Variants in FBXL2 observed in about 807,000 individuals in gnomAD.
FBXL2 encodes F-box and leucine rich repeat protein 2.
Under a neutral mutation model 69.2 loss-of-function variants are expected in FBXL2, and 38 were observed. That is an observed-to-expected ratio of 0.55 (90% confidence interval 0.42 to 0.72). The LOEUF is 0.72. FBXL2 is among the 30% of genes least tolerant of loss of function. The pLI is 0.00. For synonymous variants in FBXL2, 192 were observed against 201.3 expected (o/e 0.95, Z 0.39); for missense variants, 354 against 520.3 (o/e 0.68, Z 3.11).
chr3:33,299,333 C>T (rs909150311), intron 2 of FBXL2, among the ~76,000 whole-genome samples: 11 of 152,272 alleles, frequency 7.2e-5, no homozygotes, highest in South Asian at 2.1e-4. Flanking sequence ...TGAGCCACTG[C>T]GCCCGGCCGG....
chr3:33,400,838 A>T lies in FBXL2; in HGVS notation n.1215-2396A>T, dbSNP rs898690354. 10 of 907,436 alleles carry T rather than the reference A, an allele frequency of 1.1e-5. No individual in the cohort carries two copies. In the South Asian group the frequency reaches 1.4e-4, roughly 13 times the overall value. 56.2% of individuals were successfully genotyped at this position (907,436 alleles called of 1,614,324 possible). A position where few individuals can be genotyped will look rare whatever the true frequency, so the allele number is the denominator to read the frequency against. On this transcript the variant is annotated intron_variant and non_coding_transcript_variant, in intron 12 of 12. Coordinates refer to the FBXL2 transcript ENST00000463736. ...TGGACACCCAAAATATCCTGACTCG[A>T]TTACCACACATTACCATACATGTAA...
At chr3:33,331,955 AAGAAT>A (rs1372052553) in intron 2 of FBXL2, among the ~76,000 whole-genome samples, 3 of 152,202 alleles carry the variant, frequency 2.0e-5, no homozygotes, top group Admixed American at 2.0e-4. Flanking sequence ...ATTATAGACA[AAGAAT>A]AGAGAGAGAA....
rs569214245 is a variant in FBXL2 at position 33,345,680 on chromosome 3, A to C, written c.66-13287A>C. Among the ~76,000 whole-genome samples the C allele has an allele frequency of 1.8e-4, 28 of 152,360 alleles. No individual in the cohort carries two copies. The South Asian group carries it at 5.8e-3, about 32-fold the overall frequency. ...TAAAACACTCAACTCATTTAAAAGA[A>C]TAGCATACAAAATGTTCCTACAGAC... On this transcript the variant is annotated intron_variant, in intron 2 of 14. Transcript: ENST00000484457.
At chr3:33,325,457 G>A (rs1456249937) in intron 2 of FBXL2, among the ~76,000 whole-genome samples, 1 of 152,098 alleles carries the variant, frequency 6.6e-6, no homozygotes, top group Non-Finnish European at 1.5e-5. Flanking sequence ...TTATTTTGAG[G>A]TACGTTCCAT....
intron 2 of FBXL2, among the ~76,000 whole-genome samples, chr3:33,314,558 T>A (rs1189210102): frequency 6.6e-6 from 1 of 152,226 alleles, no homozygotes; most frequent in African/African-American, 2.4e-5. Context: ...ACCATGGTAA[T>A]GAACTTTTTG....
intron 2 of FBXL2, among the ~76,000 whole-genome samples, chr3:33,307,014 T>C (rs975136919): frequency 6.6e-6 from 1 of 152,142 alleles, no homozygotes; most frequent in African/African-American, 2.4e-5. Flanking sequence ...TCCTTTTATT[T>C]GCCAGTTTTA....
chr3:33,277,555 A>AGGT, intron 1 of FBXL2, 40 bp downstream of exon 1: 1 of 1,266,760 alleles, frequency 7.9e-7, no homozygotes, highest in East Asian at 3.1e-5. Context: ...GCCCCGCCCT[A>AGGT]CCCCTACCGG....
intron 5 of FBXL2, among the ~76,000 whole-genome samples, chr3:33,366,417 A>G (rs769801694): frequency 6.6e-6 from 1 of 152,128 alleles, no homozygotes; most frequent in Non-Finnish European, 1.5e-5. Context: ...CTATAACCCC[A>G]GTGCTTTGGG....
At chr3:33,285,928 T>A (rs1266498696) in intron 1 of FBXL2, among the ~76,000 whole-genome samples, 1 of 152,194 alleles carries the variant, frequency 6.6e-6, no homozygotes, top group Non-Finnish European at 1.5e-5. Context: ...TATTCTAGTT[T>A]GCCATTCGTC....
At chr3:33,331,090 AT>A (rs1408232646) in intron 2 of FBXL2, among the ~76,000 whole-genome samples, 1 of 151,824 alleles carries the variant, frequency 6.6e-6, no homozygotes, top group Non-Finnish European at 1.5e-5. Flanking sequence ...ACCCGGTTTC[AT>A]TTGCTATAAT....
In FBXL2 at chr3:33,385,728, G is replaced by C; in HGVS notation, c.*120G>C. On this transcript the variant is annotated 3_prime_UTR_variant, in exon 15 of 15. Transcript: ENST00000484457. The stretch of plus-strand genomic sequence containing the variant: ...TTCTCCATTGGGAAAGGCATTTACA[G>C]GTAAAAGACTTCTGTATGGATTGCA... 1 of 762,896 alleles carries C rather than the reference G, an allele frequency of 1.3e-6. No individual in the cohort carries two copies. The highest frequency in any genetic ancestry group is 2.2e-6 in the Non-Finnish European group (1 of 445,116). 47.3% of individuals were successfully genotyped at this position (762,896 alleles called of 1,614,324 possible). A position where few individuals can be genotyped will look rare whatever the true frequency, so the allele number is the denominator to read the frequency against.
chr3:33,384,138 C>T lies in FBXL2; in HGVS notation c.1101C>T (p.Gly367=). ...TGGAACACCTAGAGAACTGCCGAGG[C>T]CTGGAGCGCCTCGAGCTGTACGACT... ...VALEHLENCR[G]LERLELYDCQ... Residue 367 remains glycine, a synonymous_variant, in exon 14 of 15, where the codon GGC becomes GGT. Coordinates refer to ENST00000484457, the MANE Select transcript of FBXL2 (RefSeq NM_012157.5). 1 of 1,614,124 alleles carries T rather than the reference C, an allele frequency of 6.2e-7. No homozygotes were observed. The highest frequency in any genetic ancestry group is 8.5e-7 in the Non-Finnish European group (1 of 1,180,028).
chr3:33,355,717 C>A (rs532508574), intron 2 of FBXL2, among the ~76,000 whole-genome samples: 6 of 152,198 alleles, frequency 3.9e-5, no homozygotes, highest in African/African-American at 1.4e-4. Context: ...GGTGCTATTG[C>A]AGTGCTTGCC....
At chr3:33,328,829 G>GTGTT (rs1231088488) in intron 2 of FBXL2, among the ~76,000 whole-genome samples, 1 of 151,632 alleles carries the variant, frequency 6.6e-6, no homozygotes, top group Non-Finnish European at 1.5e-5. Context: ...GTGTGTGTGT[G>GTGTT]TGTGTAAGAC....
downstream of FBXL2, chr3:33,392,599 G>GA: frequency 6.2e-7 from 1 of 1,611,866 alleles, no homozygotes; most frequent in South Asian, 1.1e-5. Context: ...CTCTCATCTT[G>GA]AAAATTCTGA....
chr3:33,351,687 A>G (rs952328209), intron 2 of FBXL2, among the ~76,000 whole-genome samples: 3 of 152,218 alleles, frequency 2.0e-5, no homozygotes, highest in Non-Finnish European at 2.9e-5. Context: ...ACTCTTATTC[A>G]TTGTTGGTGA....
chr3:33,381,943 A>G (rs2043093206), intron 13 of FBXL2, among the ~76,000 whole-genome samples: 1 of 152,248 alleles, frequency 6.6e-6, no homozygotes, highest in African/African-American at 2.4e-5. Flanking sequence ...ATCAAGGTCC[A>G]ACAGAATTCC....
chr3:33,282,355 G>T (rs2034111448), intron 1 of FBXL2, among the ~76,000 whole-genome samples: 1 of 152,148 alleles, frequency 6.6e-6, no homozygotes, highest in Non-Finnish European at 1.5e-5. Context: ...TCAGATGTTT[G>T]TAGATGTGTG....
intron 2 of FBXL2, among the ~76,000 whole-genome samples, chr3:33,304,160 A>G (rs1161967725): frequency 6.6e-6 from 1 of 152,098 alleles, no homozygotes; most frequent in East Asian, 1.9e-4. Flanking sequence ...GTTATGCAGA[A>G]TTGGATTACT....
Sources: gnomAD v4.1 joint callset for allele counts (sites outside exome capture counted in the v4.1 genomes callset) on GRCh38, gnomAD v4.1.1 for gene constraint, MANE v1.5 for transcripts, NCBI Gene and HGNC (gene_info 2026-07-23, HGNC 2026-07-21) for gene names.